The following PAPPA2 variants were observed in gnomAD, a reference collection of about 807,000 sequenced individuals.
The protein encoded by PAPPA2 is pappalysin 2, also known as pappalysin-2.
In PAPPA2, 86 loss-of-function variants were observed where a neutral mutation model predicts 176.4. The observed-to-expected ratio is 0.49, with a 90% CI of 0.41 to 0.58. The LOEUF (loss-of-function observed/expected upper bound fraction) is 0.58. Among genes scored for constraint, PAPPA2 ranks in the 20% least tolerant of loss-of-function variants. The probability of loss-of-function intolerance (pLI) is 0.00; values close to 1 mark genes in which losing one functional copy is unlikely to be tolerated. For missense variants in PAPPA2, 2,073 were observed against 2,256.9 expected (o/e 0.92, Z 1.65); for synonymous variants, 809 against 852.2 (o/e 0.95, Z 0.88).
chr1:176,699,286 C>T lies in PAPPA2; in HGVS notation c.2933C>T (p.Ser978Leu), dbSNP rs201432166. The change falls in exon 8 of 23, where the codon TCG (serine) becomes TTG (leucine). Residue 978 changes from serine (S) to leucine (L), a missense_variant. Physicochemically the swap from Ser to Leu is moderately radical, Grantham distance 145 (BLOSUM62 -2). Around this residue, in one of 4 missense-constraint regions of PAPPA2, gnomAD observed 1,196 missense variants for 1,330.4 expected, o/e 0.90. Transcript: ENST00000367662. Reference protein sequence around the residue: ...LWVTSFFMESSQVLFDTEILL... With the variant: ...LWVTSFFMESLQVLFDTEILL... ...GTCACTTCCTTCTTCATGGAGTCCT[C>T]GCAGGTCCTCTTTGACACAGAGATC... The T allele has an allele frequency of 2.2e-4, 352 of 1,614,128 alleles. 2 individuals carry two copies. In the South Asian group the frequency reaches 3.4e-3, roughly 16 times the overall value.
At chr1:176,611,953 T>G (rs1321319070) in intron 3 of PAPPA2, among the ~76,000 whole-genome samples, 2 of 152,228 alleles carry the variant, frequency 1.3e-5, no homozygotes, top group East Asian at 1.9e-4. Context: ...AATAAAAGGT[T>G]GCTGAAATAA....
intron 1 of PAPPA2, among the ~76,000 whole-genome samples, chr1:176,533,135 A>G (rs6658696): frequency 0.013 from 1,933 of 152,278 alleles, 42 homozygotes; most frequent in African/African-American, 0.044. Flanking sequence ...GTCCTGCAAA[A>G]CAAATTCTGA....
At chr1:176,726,603 G>A (rs1483961685) in intron 12 of PAPPA2, among the ~76,000 whole-genome samples, 8 of 152,176 alleles carry the variant, frequency 5.3e-5, no homozygotes, top group African/African-American at 9.7e-5. Flanking sequence ...TTTCTTCTGA[G>A]GCCAGAAATA....
At chr1:176,543,398 C>G (rs1199791894) in intron 1 of PAPPA2, among the ~76,000 whole-genome samples, 1 of 152,068 alleles carries the variant, frequency 6.6e-6, no homozygotes, top group Admixed American at 6.6e-5. Flanking sequence ...ACCCTCAATC[C>G]CCTTGTTCTC....
intron 12 of PAPPA2, among the ~76,000 whole-genome samples, chr1:176,717,320 T>G (rs1183743346): frequency 1.3e-5 from 2 of 152,056 alleles, no homozygotes; most frequent in Non-Finnish European, 2.9e-5. Flanking sequence ...TAAAGACACT[T>G]CCAGCAGCAC....
intron 8 of PAPPA2, among the ~76,000 whole-genome samples, chr1:176,701,063 C>T (rs1660633629): frequency 6.6e-6 from 1 of 152,008 alleles, no homozygotes; most frequent in South Asian, 2.1e-4. Context: ...CACACACACA[C>T]ACACACACAC....
chr1:176,517,042 C>G (rs995725506), intron 1 of PAPPA2, among the ~76,000 whole-genome samples: 1 of 152,062 alleles, frequency 6.6e-6, no homozygotes, highest in Non-Finnish European at 1.5e-5. Flanking sequence ...TCAATGTGAC[C>G]AATTTAACCT....
intron 3 of PAPPA2, among the ~76,000 whole-genome samples, chr1:176,650,313 G>A (rs1422493715): frequency 6.7e-6 from 1 of 150,024 alleles, no homozygotes. Context: ...TGGGCAGCAT[G>A]TAATTGGGTC....
chr1:176,650,815 A>G lies in PAPPA2; in HGVS notation c.1992-20155A>G, dbSNP rs528986678. Among the ~76,000 whole-genome samples, 3 of 150,680 alleles carry G rather than the reference A, an allele frequency of 2.0e-5. No individual in the cohort carries two copies. The East Asian group carries it at 5.9e-4, about 30-fold the overall frequency. ...TACTGTCTTCCTTTTTAGTTATGTGATTTTCTCTGGTAGATTGTTTTAATT... is the reference window on the plus strand; with the variant it reads ...TACTGTCTTCCTTTTTAGTTATGTGGTTTTCTCTGGTAGATTGTTTTAATT... On this transcript the variant is annotated intron_variant, in intron 3 of 22. Coordinates refer to ENST00000367662, the MANE Select transcript of PAPPA2 (RefSeq NM_020318.3).
chr1:176,628,064 G>C (rs929616080), intron 3 of PAPPA2, among the ~76,000 whole-genome samples: 4 of 152,160 alleles, frequency 2.6e-5, no homozygotes, highest in African/African-American at 9.7e-5. Context: ...CGAGATTAAA[G>C]ACCATGCATT....
intron 6 of PAPPA2, among the ~76,000 whole-genome samples, chr1:176,693,884 A>G (rs777165766): frequency 5.3e-5 from 8 of 152,190 alleles, no homozygotes; most frequent in Non-Finnish European, 1.0e-4. Context: ...AGAGTTTTAC[A>G]TCCGTTTATG....
chr1:176,806,495 T>A (rs978066428), intron 21 of PAPPA2, among the ~76,000 whole-genome samples: 1 of 152,120 alleles, frequency 6.6e-6, no homozygotes, highest in Admixed American at 6.6e-5. Flanking sequence ...GATGGAGAAG[T>A]AGAAAATAAA....
At chr1:176,809,613 C>A (rs1326020829) in intron 21 of PAPPA2, among the ~76,000 whole-genome samples, 1 of 152,072 alleles carries the variant, frequency 6.6e-6, no homozygotes, top group Non-Finnish European at 1.5e-5. Flanking sequence ...ATGCAGAGGC[C>A]AATATATAAC....
At chr1:176,825,634 A>C (rs1480921184) in intron 21 of PAPPA2, among the ~76,000 whole-genome samples, 1 of 152,018 alleles carries the variant, frequency 6.6e-6, no homozygotes, top group African/African-American at 2.4e-5. Context: ...ACAAACTTAG[A>C]TAGAGCATTG....
At chr1:176,589,243 T>C (rs1046858584) in intron 2 of PAPPA2, among the ~76,000 whole-genome samples, 3 of 152,156 alleles carry the variant, frequency 2.0e-5, no homozygotes, top group African/African-American at 7.2e-5. Flanking sequence ...AGAAAACCTT[T>C]CTCCTTGAGG....
chr1:176,782,986 G>C (rs1664787332), intron 17 of PAPPA2, among the ~76,000 whole-genome samples: 1 of 152,100 alleles, frequency 6.6e-6, no homozygotes, highest in Non-Finnish European at 1.5e-5. Flanking sequence ...AGCAGATGGG[G>C]TGACCAAAAA....
intron 1 of PAPPA2, among the ~76,000 whole-genome samples, chr1:176,536,095 C>T (rs1289596139): frequency 6.6e-6 from 1 of 152,154 alleles, no homozygotes; most frequent in East Asian, 1.9e-4. Flanking sequence ...GTTCCCCTGT[C>T]ACGGGTATCT....
At chr1:176,801,587 A>C (rs1439592528) in intron 21 of PAPPA2, among the ~76,000 whole-genome samples, 1 of 152,090 alleles carries the variant, frequency 6.6e-6, no homozygotes, top group Non-Finnish European at 1.5e-5. Flanking sequence ...AACAGATGGC[A>C]GTGGGGTGGG....
At chr1:176,632,249 G>A (rs546374939) in intron 3 of PAPPA2, among the ~76,000 whole-genome samples, 2 of 152,098 alleles carry the variant, frequency 1.3e-5, no homozygotes, top group African/African-American at 2.4e-5. Flanking sequence ...GTGTGTGTGT[G>A]TGTGTGTGTG....
Sources: allele counts gnomAD v4.1 joint callset (sites outside exome capture counted in the v4.1 genomes callset), GRCh38; gene constraint gnomAD v4.1.1; regional missense constraint gnomAD v4.1.1; transcripts MANE v1.5; gene names NCBI Gene and HGNC (gene_info 2026-07-23, HGNC 2026-07-21).